Variants in C3orf33 observed in about 807,000 individuals in gnomAD.
C3orf33 encodes mitochondrial inner membrane subdomain organizer 1.
Under a neutral mutation model 28.7 loss-of-function variants are expected in C3orf33, and 23 were observed. That is an observed-to-expected ratio of 0.80 (90% CI 0.58 to 1.13). C3orf33 has a LOEUF of 1.13. C3orf33 is among the 50% of genes most tolerant of loss of function. C3orf33 has a pLI of 0.00. For missense variants in C3orf33, 327 were observed against 353.4 expected, an observed-to-expected ratio of 0.93 and a Z score of 0.60; for synonymous variants, 119 against 120.5, an observed-to-expected ratio of 0.99 and a Z score of 0.08.
chr3:155,799,276 C>G (rs1751572547), intron 2 of C3orf33, among the ~76,000 whole-genome samples: 1 of 152,118 alleles, frequency 6.6e-6, no homozygotes, highest in Admixed American at 6.6e-5. Context: ...TAGATATATA[C>G]CAAAAGAAAG....
intron 3 of C3orf33, among the ~76,000 whole-genome samples, chr3:155,769,312 CAAAAAA>C (rs747506548): frequency 1.3e-5 from 1 of 75,792 alleles, no homozygotes; most frequent in East Asian, 6.9e-4. Flanking sequence ...AACTCCCTCT[CAAAAAA>C]AAAAAAAAAA....
chr3:155,793,724 C>A (rs1751383214), intron 2 of C3orf33, among the ~76,000 whole-genome samples: 1 of 143,772 alleles, frequency 7.0e-6, no homozygotes, highest in South Asian at 2.2e-4. Context: ...GCAGGAGAAT[C>A]TCTTGAACCT....
chr3:155,775,836 T>C lies in C3orf33; in HGVS notation c.187A>G (p.Thr63Ala). The stretch of plus-strand genomic sequence containing the variant: ...TCTACTGGAATATCCGAAGAGCTTG[T>C]AAATTTTGATGTCTATTGATTTACA... ...LRSIRLTSKF[T>A]SSSDIPVEFI... The change falls in exon 3 of 5, where the codon ACA becomes GCA. Residue 63 changes from threonine to alanine, a missense_variant. Physicochemically the swap from Thr to Ala is moderately conservative, Grantham distance 58 (BLOSUM62 0). Coordinates refer to ENST00000340171, the MANE Select transcript of C3orf33 (RefSeq NM_001308229.2). 2 of 1,588,974 alleles carry C rather than the reference T, an allele frequency of 1.3e-6. No homozygotes were observed. Among genetic ancestry groups the C allele is most frequent in the Non-Finnish European group, 1.7e-6 (2 of 1,162,418 alleles).
At chr3:155,768,055 T>C (rs549638460) in intron 3 of C3orf33, among the ~76,000 whole-genome samples, 1 of 152,060 alleles carries the variant, frequency 6.6e-6, no homozygotes, top group Non-Finnish European at 1.5e-5. Flanking sequence ...GATTGTTGCA[T>C]TTTTAGTAGA....
chr3:155,805,269 C>G (rs995381536), intron 1 of C3orf33, among the ~76,000 whole-genome samples: 1 of 151,962 alleles, frequency 6.6e-6, no homozygotes, highest in Admixed American at 6.6e-5. Flanking sequence ...TCAAGGCCAG[C>G]CTGGGCAACA....
At chr3:155,786,174 T>C (rs2109268207) in intron 2 of C3orf33, among the ~76,000 whole-genome samples, 1 of 151,334 alleles carries the variant, frequency 6.6e-6, no homozygotes, top group South Asian at 2.1e-4. Flanking sequence ...AAGGAAAGAT[T>C]GATCTCAAAT....
intron 3 of C3orf33, 83 bp from the exon 4 acceptor site, chr3:155,767,752 A>G (rs539091748): frequency 8.9e-6 from 8 of 901,096 alleles, no homozygotes; most frequent in Non-Finnish European, 1.3e-5. Context: ...CCAACAAACA[A>G]ACAAATATAT....
intron 2 of C3orf33, among the ~76,000 whole-genome samples, chr3:155,792,224 G>A (rs1328181545): frequency 2.0e-5 from 3 of 152,136 alleles, no homozygotes; most frequent in Non-Finnish European, 4.4e-5. Context: ...ATCCAAGATG[G>A]TACATCTATT....
intron 2 of C3orf33, among the ~76,000 whole-genome samples, chr3:155,777,518 G>A (rs1172366938): frequency 1.3e-5 from 2 of 151,610 alleles, no homozygotes; most frequent in Non-Finnish European, 2.9e-5. Context: ...CTGGCTCACT[G>A]TAGCCTCGAC....
intron 4 of C3orf33, among the ~76,000 whole-genome samples, 185 bp downstream of exon 4, chr3:155,767,324 T>C (rs1750441009): frequency 6.6e-6 from 1 of 152,022 alleles, no homozygotes; most frequent in African/African-American, 2.4e-5. Flanking sequence ...ATTAAACATA[T>C]ATTACATATG....
At position 155,798,098 on chromosome 3, in the gene C3orf33, A is replaced by C. The variant is rs564028700; in HGVS notation, c.174+4434T>G. The stretch of plus-strand genomic sequence containing the variant: ...AGAAAAAAAAAAAAAAGGCTATAAA[A>C]CACTAATGAAATAAATTGAAAAGGG... On this transcript the variant is annotated intron_variant, in intron 2 of 4. Coordinates refer to ENST00000340171, the MANE Select transcript of C3orf33 (RefSeq NM_001308229.2). Among the ~76,000 whole-genome samples the C allele has an allele frequency of 1.8e-3, 276 of 151,932 alleles. 1 individual carries two copies. The highest frequency in any genetic ancestry group is 6.5e-3 in the African/African-American group (268 of 41,488).
chr3:155,782,488 T>C (rs963041037), intron 2 of C3orf33, among the ~76,000 whole-genome samples: 1 of 152,122 alleles, frequency 6.6e-6, no homozygotes, highest in African/African-American at 2.4e-5. Flanking sequence ...GAAAAAACTT[T>C]GAAAGCAGCA....
rs1402227697 is a variant in C3orf33 at position 155,771,716 on chromosome 3, A to T, written c.322+3985T>A. Among the ~76,000 whole-genome samples the T allele has an allele frequency of 2.6e-5, 4 of 152,154 alleles. No homozygotes were observed. In the South Asian group the frequency reaches 6.2e-4, roughly 24 times the overall value. ...CTGGTCTTTGATTTCTAATCTATGA[A>T]TTTTTTAGTTTTGTGTTACTGTGAC... is the stretch of plus-strand genomic sequence containing the variant. On this transcript the variant is annotated intron_variant, in intron 3 of 4. Transcript: ENST00000340171.
At chr3:155,775,177 T>A (rs190798263) in intron 3 of C3orf33, among the ~76,000 whole-genome samples, 2 of 152,274 alleles carry the variant, frequency 1.3e-5, no homozygotes, top group East Asian at 3.9e-4. Context: ...GAATGAATGA[T>A]TGAATAGTTC....
rs58092818 is a variant in C3orf33, at chr3:155,800,610, C to CAAAAAAAAAAAAAAAAAAAA, written c.174+1902_174+1921dup. Among the ~76,000 whole-genome samples, 11 of 15,634 alleles carry CAAAAAAAAAAAAAAAAAAAA rather than the reference C, an allele frequency of 7.0e-4. 3 individuals carry two copies. Among genetic ancestry groups the CAAAAAAAAAAAAAAAAAAAA allele is most frequent in the Non-Finnish European group, 9.9e-4 (8 of 8,112 alleles). The allele number at this position is 15,634 out of a possible 152,430, so 10.3% of individuals were successfully genotyped here. A position where few individuals can be genotyped will look rare whatever the true frequency, so the allele number is the denominator to read the frequency against. ...GGTCAACAGAGTGAGACCTTATCTC[C>CAAAAAAAAAAAAAAAAAAAA]AAAAAAAAAAAAAAAAAAAAAAAAA... is the stretch of plus-strand genomic sequence containing the variant. On this transcript the variant is annotated intron_variant, in intron 2 of 4. Coordinates refer to ENST00000340171, the MANE Select transcript of C3orf33 (RefSeq NM_001308229.2).
chr3:155,772,061 T>G (rs1750609225), intron 3 of C3orf33, among the ~76,000 whole-genome samples: 1 of 152,092 alleles, frequency 6.6e-6, no homozygotes, highest in African/African-American at 2.4e-5. Flanking sequence ...TAAAAATTAG[T>G]GGACATGATG....
chr3:155,767,541 A>T lies in C3orf33; in HGVS notation c.451T>A (p.Ser151Thr). Residue 151 changes from serine (S) to threonine (T), a missense_variant, in exon 4 of 5, where the codon TCA becomes ACA. Coordinates refer to ENST00000340171, the MANE Select transcript of C3orf33 (RefSeq NM_001308229.2). ...LWFQLLGKEN[S>T]ALFCYLLVSK... ...ACCAGAAGATAGCAAAAGAGTGCTG[A>T]ATTCTCCTTTCCAAGAAGTTGGAAC... 6.3e-7 allele frequency: 1 copy of T among 1,589,360 alleles called. No individual in the cohort carries two copies. The highest frequency in any genetic ancestry group is 1.2e-5 in the South Asian group (1 of 86,730).
chr3:155,788,389 A>G (rs1297529663), intron 2 of C3orf33, among the ~76,000 whole-genome samples: 1 of 151,712 alleles, frequency 6.6e-6, no homozygotes, highest in Non-Finnish European at 1.5e-5. Context: ...GTCACATATG[A>G]AAAAACCATA....
chr3:155,778,213 G>A (rs548154292), intron 2 of C3orf33, among the ~76,000 whole-genome samples: 2 of 148,676 alleles, frequency 1.3e-5, no homozygotes, highest in Admixed American at 6.7e-5. Context: ...GACATAACAA[G>A]TAAATATAAT....
Sources: gnomAD v4.1 joint callset for allele counts (sites outside exome capture counted in the v4.1 genomes callset) on GRCh38, gnomAD v4.1.1 for gene constraint, MANE v1.5 for transcripts, NCBI Gene and HGNC (gene_info 2026-07-23, HGNC 2026-07-21) for gene names.